The following MYBPHL variants were observed in gnomAD, a reference collection of about 807,000 sequenced individuals.
MYBPHL encodes myosin-binding protein H-like.
MYBPHL carries 32 observed loss-of-function variants against 39.5 expected under a neutral mutation model. The ratio of observed to expected loss-of-function variants is 0.81; its 90% CI spans 0.61 to 1.09. The LOEUF (loss-of-function observed/expected upper bound fraction) is 1.09, where lower values mean the gene tolerates loss of function less well. Ranked by LOEUF, MYBPHL falls within the 50% of genes least tolerant of loss-of-function variation. The probability of loss-of-function intolerance (pLI) is 0.00; values close to 1 mark genes in which losing one functional copy is unlikely to be tolerated. For synonymous variants in MYBPHL, 196 were observed against 183.7 expected (o/e 1.07, Z -0.54); for missense variants, 456 against 460.2 (o/e 0.99, Z 0.08).
At chr1:109,294,825 C>T (rs1425226089) in intron 7 of MYBPHL, among the ~76,000 whole-genome samples, 1 of 152,206 alleles carries the variant, frequency 6.6e-6, no homozygotes, top group African/African-American at 2.4e-5. Flanking sequence ...AACTAACTGA[C>T]ACTGGGAATC....
intron 1 of MYBPHL, among the ~76,000 whole-genome samples, chr1:109,300,430 A>G (rs1429031052): frequency 6.6e-6 from 1 of 152,182 alleles, no homozygotes; most frequent in Non-Finnish European, 1.5e-5. Context: ...AAGAACTGCA[A>G]AGGGTTGAGG....
intron 1 of MYBPHL, among the ~76,000 whole-genome samples, chr1:109,304,682 C>A (rs1658406203): frequency 6.6e-6 from 1 of 152,296 alleles, no homozygotes; most frequent in Admixed American, 6.5e-5. Context: ...CAGCTTGTTC[C>A]CCAGCCTCTC....
intron 1 of MYBPHL, among the ~76,000 whole-genome samples, chr1:109,300,202 T>C (rs1658232696): frequency 6.6e-6 from 1 of 152,160 alleles, no homozygotes; most frequent in South Asian, 2.1e-4. Context: ...GAAGCCGGTA[T>C]TCTGGAGACC....
chr1:109,297,111 TGG>T lies in MYBPHL; in HGVS notation c.507_508del (p.Gln170ArgfsTer16). 4 of 1,614,150 alleles carry T rather than the reference TGG, an allele frequency of 2.5e-6. No individual in the cohort carries two copies. The South Asian group carries it at 4.4e-5, about 18-fold the overall frequency. On this transcript the variant is annotated frameshift_variant, in exon 4 of 9. Coordinates refer to ENST00000357155, the MANE Select transcript of MYBPHL (RefSeq NM_001010985.3). LOFTEE classifies it high-confidence loss of function. ...CAGAAGTGCTGTATTCCCCGTATCTTGGGGCGGTGTCCATTCCAGTGTAGCGC... is the reference window on the plus strand; with the variant it reads ...CAGAAGTGCTGTATTCCCCGTATCTTGGCGGTGTCCATTCCAGTGTAGCGC...
intron 1 of MYBPHL, among the ~76,000 whole-genome samples, chr1:109,304,591 C>G (rs940194786): frequency 3.3e-5 from 5 of 152,192 alleles, no homozygotes; most frequent in Non-Finnish European, 5.9e-5. Flanking sequence ...CCTATGGGAG[C>G]AGTGGGGGAT....
chr1:109,302,079 G>A (rs1658309854), intron 1 of MYBPHL, among the ~76,000 whole-genome samples: 1 of 151,934 alleles, frequency 6.6e-6, no homozygotes, highest in African/African-American at 2.4e-5. Context: ...GTGAATGTGT[G>A]TGTTTGTGTA....
At chr1:109,298,369 C>T (rs1658163927) in intron 1 of MYBPHL, 112 bp from the exon 2 acceptor site, 3 of 900,718 alleles carry the variant, frequency 3.3e-6, no homozygotes, top group Non-Finnish European at 5.2e-6. Flanking sequence ...AAATTAAGCC[C>T]TTCTTAGAGG....
rs765712022 is a variant in MYBPHL at position 109,298,209 on chromosome 1, C to T, written c.194G>A (p.Arg65Gln). The T allele has an allele frequency of 1.1e-5, 18 of 1,609,696 alleles. No homozygotes were observed. The highest frequency in any genetic ancestry group is 2.7e-5 in the African/African-American group (2 of 74,632). ...LPRALRQTYI[R>Q]KVGDTVNLLI... ...TAGGTTCACTGTGTCCCCAACCTTC[C>T]GGATGTAGGTCTGCCTCAGGGCCCG... The change falls in exon 2 of 9, where the codon CGG (arginine) becomes CAG (glutamine). Residue 65 changes from arginine to glutamine, a missense_variant. Physicochemically the swap from Arg to Gln is conservative, Grantham distance 43 (BLOSUM62 1). Transcript: ENST00000357155.
chr1:109,302,907 AC>A (rs1379527313), intron 1 of MYBPHL, among the ~76,000 whole-genome samples: 1 of 152,140 alleles, frequency 6.6e-6, no homozygotes, highest in Non-Finnish European at 1.5e-5. Flanking sequence ...TGCCAATGAG[AC>A]GTAAGTGGCA....
intron 1 of MYBPHL, 103 bp downstream of exon 1, chr1:109,306,744 T>C (rs1658481936): frequency 9.8e-7 from 1 of 1,023,958 alleles, no homozygotes; most frequent in South Asian, 1.9e-5. Flanking sequence ...CTATAGAGTC[T>C]TTAGCTCTGC....
intron 1 of MYBPHL, among the ~76,000 whole-genome samples, chr1:109,301,614 A>ATG (rs1317146010): frequency 1.3e-5 from 2 of 151,912 alleles, no homozygotes; most frequent in African/African-American, 4.8e-5. Context: ...GGTGGCGGGC[A>ATG]CCTGTAATCC....
At chr1:109,295,016 C>A (rs76365002) in intron 7 of MYBPHL, 95 bp downstream of exon 7, 16 of 1,274,228 alleles carry the variant, frequency 1.3e-5, no homozygotes, top group Non-Finnish European at 1.8e-5. Context: ...AACCCCTTCT[C>A]CCCCTAGGCT....
At chr1:109,295,030 G>A (rs1658005581) in intron 7 of MYBPHL, 81 bp downstream of exon 7, 5 of 1,458,898 alleles carry the variant, frequency 3.4e-6, no homozygotes, top group African/African-American at 1.4e-5. Context: ...CTAGGCTTGC[G>A]TCTCTGTTCC....
intron 1 of MYBPHL, among the ~76,000 whole-genome samples, chr1:109,299,720 G>A (rs1269336187): frequency 6.6e-6 from 1 of 152,240 alleles, no homozygotes; most frequent in Non-Finnish European, 1.5e-5. Flanking sequence ...TATGTGACGA[G>A]GGGACTTGAT....
At chr1:109,302,979 T>A (rs1658344751) in intron 1 of MYBPHL, among the ~76,000 whole-genome samples, 1 of 152,324 alleles carries the variant, frequency 6.6e-6, no homozygotes, top group East Asian at 1.9e-4. Flanking sequence ...TTTCCTCTTC[T>A]GCTAGCTGTA....
chr1:109,295,262 G>C lies in MYBPHL; in HGVS notation c.903C>G (p.Ile301Met). ...KIIWLKNKMD[I>M]QGNPKYRALT... The stretch of plus-strand genomic sequence containing the variant: ...GGGCTCTGTACTTAGGGTTGCCTTG[G>C]ATATCCATCTTGTTCTTCAGCCAGA... The change falls in exon 7 of 9, where the codon ATC becomes ATG. Residue 301 changes from isoleucine (I) to methionine (M), a missense_variant. Physicochemically the swap from Ile to Met is conservative, Grantham distance 10. Transcript: ENST00000357155. The C allele has an allele frequency of 6.2e-7, 1 of 1,614,086 alleles. No homozygotes were observed. Among genetic ancestry groups the C allele is most frequent in the Non-Finnish European group, 8.5e-7 (1 of 1,179,964 alleles).
chr1:109,293,661 A>C (rs1330932146), intron 8 of MYBPHL, among the ~76,000 whole-genome samples: 1 of 151,746 alleles, frequency 6.6e-6, no homozygotes, highest in Non-Finnish European at 1.5e-5. Flanking sequence ...AATGGCATGA[A>C]CCCGGCAGGC....
intron 1 of MYBPHL, among the ~76,000 whole-genome samples, chr1:109,299,667 G>T (rs1327506950): frequency 5.3e-5 from 8 of 152,230 alleles, no homozygotes; most frequent in African/African-American, 1.7e-4. Flanking sequence ...TGTGGCTTAT[G>T]TTTTCACCTG....
intron 3 of MYBPHL, 22 bp downstream of exon 3, chr1:109,297,400 T>A (rs752014089): frequency 1.9e-6 from 3 of 1,600,538 alleles, no homozygotes; most frequent in Non-Finnish European, 2.6e-6. Context: ...GACCCCCCCA[T>A]CTCCCACTTC....
Sources: allele counts gnomAD v4.1 joint callset (sites outside exome capture counted in the v4.1 genomes callset), GRCh38; gene constraint gnomAD v4.1.1; transcripts MANE v1.5; gene names NCBI Gene and HGNC (gene_info 2026-07-23, HGNC 2026-07-21).